CDC42SE2: variants seen among roughly 807,000 people sequenced by gnomAD.
The protein encoded by CDC42SE2 is CDC42 small effector protein 2.
In CDC42SE2, 3 loss-of-function variants were observed where a neutral mutation model predicts 11.5. The observed-to-expected ratio is 0.26, with a 90% confidence interval of 0.12 to 0.67. CDC42SE2 has a LOEUF of 0.67. Ranked by LOEUF, CDC42SE2 falls within the 30% of genes least tolerant of loss-of-function variation. The pLI is 0.80. For missense variants in CDC42SE2, 82 were observed against 106.8 expected (o/e 0.77, Z 1.02); for synonymous variants, 33 against 34.8 (o/e 0.95, Z 0.18).
the CDC42SE2 span, among the ~76,000 whole-genome samples, chr5:131,217,343 G>A: frequency 6.6e-6 from 1 of 152,082 alleles, no homozygotes; most frequent in Admixed American, 6.5e-5. Flanking sequence ...TAGAAACAAA[G>A]AAATTAATTT....
intron 2 of CDC42SE2, among the ~76,000 whole-genome samples, chr5:131,316,905 A>G (rs1328627176): frequency 2.0e-5 from 3 of 152,174 alleles, no homozygotes; most frequent in African/African-American, 7.2e-5. Flanking sequence ...ACTCAAAGCC[A>G]TGTTTTTTAG....
intron 1 of CDC42SE2, among the ~76,000 whole-genome samples, chr5:131,283,031 G>A (rs1027181526): frequency 2.0e-4 from 29 of 142,878 alleles, no homozygotes; most frequent in African/African-American, 6.8e-4. Context: ...GGGTTCAAGC[G>A]ATTCTCCTGC....
chr5:131,334,012 T>C (rs1276927140), intron 2 of CDC42SE2, among the ~76,000 whole-genome samples: 1 of 151,864 alleles, frequency 6.6e-6, no homozygotes, highest in African/African-American at 2.4e-5. Flanking sequence ...TGAATAGGAG[T>C]GTTGAGAGAG....
the CDC42SE2 span, among the ~76,000 whole-genome samples, chr5:131,212,420 T>G: frequency 6.6e-6 from 1 of 152,116 alleles, no homozygotes. Flanking sequence ...GTGTGGCAAT[T>G]TTTATCTCTC....
chr5:131,275,896 A>G (rs1477314023), intron 1 of CDC42SE2, among the ~76,000 whole-genome samples: 1 of 151,890 alleles, frequency 6.6e-6, no homozygotes, highest in South Asian at 2.1e-4. Flanking sequence ...AAAAGCGTAT[A>G]TTTATTATAT....
At chr5:131,328,254 C>T (rs1368340019) in intron 2 of CDC42SE2, among the ~76,000 whole-genome samples, 1 of 151,868 alleles carries the variant, frequency 6.6e-6, no homozygotes, top group Admixed American at 6.6e-5. Flanking sequence ...CATCCTGTGT[C>T]CAGTGTCACT....
chr5:131,314,277 G>T (rs1162554253), intron 1 of CDC42SE2, among the ~76,000 whole-genome samples: 9 of 150,874 alleles, frequency 6.0e-5, no homozygotes, highest in Admixed American at 5.9e-4. Flanking sequence ...TGTTGCCGGG[G>T]TTGGAGTTCA....
chr5:131,237,906 T>G, the CDC42SE2 span, among the ~76,000 whole-genome samples: 3 of 152,204 alleles, frequency 2.0e-5, no homozygotes, highest in Non-Finnish European at 4.4e-5. Context: ...TTTACTTGTA[T>G]TTATTCTTTT....
chr5:131,210,644 C>A, the CDC42SE2 span, among the ~76,000 whole-genome samples: 1 of 152,160 alleles, frequency 6.6e-6, no homozygotes. Context: ...TTTGCAAATC[C>A]TTTTGGCTAA....
chr5:131,292,580 A>C (rs908752016), intron 1 of CDC42SE2, among the ~76,000 whole-genome samples: 41 of 149,794 alleles, frequency 2.7e-4, no homozygotes, highest in African/African-American at 1.0e-3. Flanking sequence ...AAAAAACAAA[A>C]AACAAAAAAC....
At position 131,295,858 on chromosome 5, in the gene CDC42SE2, A is replaced by G. The variant is rs1051606263; in HGVS notation, c.-454-20118A>G. Among the ~76,000 whole-genome samples, 4 of 151,222 alleles carry G rather than the reference A, an allele frequency of 2.6e-5. No individual in the cohort carries two copies. The East Asian group carries it at 7.8e-4, about 29-fold the overall frequency. On this transcript the variant is annotated intron_variant, in intron 1 of 4. Coordinates refer to ENST00000505065, the MANE Select transcript of CDC42SE2 (RefSeq NM_001375635.1). ...CCACCGTGCCCGGCTAAGTTTTTGT[A>G]TTTTGTTTAGTAGAGATGGTGTTTC... is the stretch of plus-strand genomic sequence containing the variant.
the CDC42SE2 span, among the ~76,000 whole-genome samples, chr5:131,225,554 T>C: frequency 6.6e-6 from 1 of 152,160 alleles, no homozygotes; most frequent in African/African-American, 2.4e-5. Context: ...AGTGGGACTT[T>C]GGAAATTGGC....
intron 1 of CDC42SE2, among the ~76,000 whole-genome samples, chr5:131,264,694 C>T (rs1756819547): frequency 6.6e-6 from 1 of 152,228 alleles, no homozygotes; most frequent in Non-Finnish European, 1.5e-5. Context: ...GGCTTGAAAG[C>T]CCTTGGCTAC....
intron 1 of CDC42SE2, 98 bp downstream of exon 1, chr5:131,264,264 G>A (rs1756803885): frequency 6.6e-6 from 1 of 152,170 alleles, no homozygotes; most frequent in African/African-American, 2.4e-5. Context: ...TCGTCCCTGA[G>A]GGCTCTGGGG....
rs111708350 is a variant in CDC42SE2 at position 131,371,981 on chromosome 5, G to A, written c.54+12434G>A. ...ACATGTCTATCATTTTAATTTATTC[G>A]TTTCCCCCCCTTATTCCCCATCACT... On this transcript the variant is annotated intron_variant, in intron 3 of 4. Transcript: ENST00000505065. Among the ~76,000 whole-genome samples, 253 of 151,978 alleles carry A rather than the reference G, an allele frequency of 1.7e-3. 1 individual carries two copies. The highest frequency in any genetic ancestry group is 5.7e-3 in the African/African-American group (237 of 41,458).
chr5:131,326,347 A>T (rs1758301733), intron 2 of CDC42SE2, among the ~76,000 whole-genome samples: 1 of 152,104 alleles, frequency 6.6e-6, no homozygotes, highest in East Asian at 1.9e-4. Context: ...TCGTGACCAA[A>T]TGAGATTTTT....
At chr5:131,303,164 A>G (rs1757717242) in intron 1 of CDC42SE2, among the ~76,000 whole-genome samples, 1 of 152,200 alleles carries the variant, frequency 6.6e-6, no homozygotes, top group African/African-American at 2.4e-5. Context: ...GCTAATAGAC[A>G]TTGTACTAAT....
intron 2 of CDC42SE2, among the ~76,000 whole-genome samples, chr5:131,340,108 GA>G (rs1182337279): frequency 6.6e-6 from 1 of 152,126 alleles, no homozygotes; most frequent in South Asian, 2.1e-4. Flanking sequence ...TGTCAACCAA[GA>G]ATTCTATACT....
At chr5:131,275,127 A>G (rs1310016851) in intron 1 of CDC42SE2, among the ~76,000 whole-genome samples, 1 of 152,098 alleles carries the variant, frequency 6.6e-6, no homozygotes, top group Non-Finnish European at 1.5e-5. Context: ...AGGAAAGGAG[A>G]TAAACTGATG....
Sources: allele counts gnomAD v4.1 joint callset (sites outside exome capture counted in the v4.1 genomes callset), GRCh38; gene constraint gnomAD v4.1.1; transcripts MANE v1.5; gene names NCBI Gene and HGNC (gene_info 2026-07-23, HGNC 2026-07-21).